SYT17: variants seen among roughly 807,000 people sequenced by gnomAD.
SYT17 encodes the protein synaptotagmin 17, also known as synaptotagmin-17.
Under a neutral mutation model 46.7 loss-of-function variants are expected in SYT17, and 22 were observed. The observed-to-expected ratio is 0.47, with a 90% CI of 0.34 to 0.67. SYT17 has a LOEUF of 0.67. Ranked by LOEUF, SYT17 falls within the 30% of genes least tolerant of loss-of-function variation. SYT17 has a pLI of 0.01. For synonymous variants in SYT17, 251 were observed against 248.4 expected, an observed-to-expected ratio of 1.01 and a Z score of -0.10; for missense variants, 519 against 612.8, an observed-to-expected ratio of 0.85 and a Z score of 1.62.
At chr16:19,211,583 G>A in intron 5 of SYT17, 1 of 650,312 alleles carries the variant, frequency 1.5e-6, no homozygotes, top group Non-Finnish European at 2.8e-6. Context: ...GAGATTCCCA[G>A]GGAATAGCAA....
At chr16:19,218,046 G>A (rs1966162770) in intron 5 of SYT17, among the ~76,000 whole-genome samples, 1 of 152,316 alleles carries the variant, frequency 6.6e-6, no homozygotes, top group Non-Finnish European at 1.5e-5. Context: ...TCTGGAGCAA[G>A]TCATGCAGCT....
In SYT17 at chr16:19,168,490, G is replaced by T; in HGVS notation, c.-157G>T. 4.0e-6 allele frequency: 4 copies of T among 987,814 alleles called. No homozygotes were observed. The highest frequency in any genetic ancestry group is 5.9e-6 in the Non-Finnish European group (4 of 676,246). 61.2% of individuals were successfully genotyped at this position (987,814 alleles called of 1,614,324 possible). On this transcript the variant is annotated 5_prime_UTR_variant, in exon 1 of 8. Coordinates refer to ENST00000355377, the MANE Select transcript of SYT17 (RefSeq NM_016524.4). This position sits in a 1 kb window ranked among gnomAD's most constrained non-coding sequence, Gnocchi z 6.9. ...CAAGGACGGGGCGGCCGGCGGAGGG[G>T]CGGGCGCCGCTCATCAGCCACGCCA...
intron 7 of SYT17, among the ~76,000 whole-genome samples, chr16:19,231,797 C>T (rs1330266997): frequency 6.6e-5 from 10 of 152,134 alleles, no homozygotes; most frequent in South Asian, 2.1e-4. Context: ...GTTATGTATT[C>T]GACAGAGAAC....
At chr16:19,169,160 C>A (rs1043583752) in intron 1 of SYT17, among the ~76,000 whole-genome samples, 2 of 152,144 alleles carry the variant, frequency 1.3e-5, no homozygotes, top group African/African-American at 2.4e-5. Context: ...GTGGGGGACA[C>A]CCAGAGGCCA....
intron 3 of SYT17, among the ~76,000 whole-genome samples, chr16:19,176,576 C>T (rs1964321559): frequency 6.6e-6 from 1 of 152,196 alleles, no homozygotes; most frequent in Non-Finnish European, 1.5e-5. Flanking sequence ...ATTAACACTT[C>T]ATTTACAAAA....
intron 5 of SYT17, among the ~76,000 whole-genome samples, chr16:19,205,277 G>A (rs1267071051): frequency 1.3e-5 from 2 of 151,850 alleles, no homozygotes; most frequent in Non-Finnish European, 1.5e-5. Flanking sequence ...ACTCTGCTTC[G>A]GCCACATCAA....
intron 7 of SYT17, among the ~76,000 whole-genome samples, chr16:19,241,148 C>T (rs986610823): frequency 6.6e-6 from 1 of 151,544 alleles, no homozygotes; most frequent in African/African-American, 2.4e-5. Flanking sequence ...GGGGTTTCAC[C>T]GTTTTAGCCG....
intron 3 of SYT17, among the ~76,000 whole-genome samples, chr16:19,175,491 C>A (rs1057497118): frequency 6.6e-6 from 1 of 151,896 alleles, no homozygotes; most frequent in Non-Finnish European, 1.5e-5. Flanking sequence ...CCTATCTCTA[C>A]AAAAATTTAA....
Position 19,187,699 on chromosome 16 carries a change from C to T in SYT17, c.951+3552C>T, listed in dbSNP as rs77643395. Among the ~76,000 whole-genome samples the T allele has an allele frequency of 3.2e-4, 49 of 152,202 alleles. No individual in the cohort carries two copies. The East Asian group carries it at 6.0e-3, about 19-fold the overall frequency. ...AATTATGCTCTTTGAGTGGAAAAGCCGGTTGTCTTACATGCTGCCAACAAT... is the reference window on the plus strand; with the variant it reads ...AATTATGCTCTTTGAGTGGAAAAGCTGGTTGTCTTACATGCTGCCAACAAT... On this transcript the variant is annotated intron_variant, in intron 5 of 7. Coordinates refer to ENST00000355377, the MANE Select transcript of SYT17 (RefSeq NM_016524.4).
At chr16:19,226,859 C>A (rs1049566627) in intron 7 of SYT17, among the ~76,000 whole-genome samples, 33 of 152,196 alleles carry the variant, frequency 2.2e-4, no homozygotes, top group African/African-American at 8.0e-4. Context: ...CCATGGAAAG[C>A]CCTGACACTT....
chr16:19,168,790 C>T lies in SYT17; in HGVS notation c.15+129C>T, dbSNP rs1963966606. On this transcript the variant is annotated intron_variant, in intron 1 of 7. Coordinates refer to ENST00000355377, the MANE Select transcript of SYT17 (RefSeq NM_016524.4). The surrounding 1 kb of genome is among the most constrained non-coding windows in gnomAD (Gnocchi z 6.9). Reference sequence around the variant, plus strand: ...AAACTTGCTTCGAGAAAAAGGGTGCCCGTGCGCGGGCAACCTGTGCAGCAA... The same window carrying T: ...AAACTTGCTTCGAGAAAAAGGGTGCTCGTGCGCGGGCAACCTGTGCAGCAA... 1.4e-5 allele frequency: 17 copies of T among 1,243,058 alleles called. No individual in the cohort carries two copies. Among genetic ancestry groups the T allele is most frequent in the Admixed American group, 6.8e-5 (2 of 29,578 alleles). The allele number at this position is 1,243,058 out of a possible 1,614,324, so 77.0% of individuals were successfully genotyped here. A position where few individuals can be genotyped will look rare whatever the true frequency, so the allele number is the denominator to read the frequency against.
rs1003188219 is a variant in SYT17 at position 19,208,246 on chromosome 16, C to T, written c.952-14799C>T. On this transcript the variant is annotated intron_variant, in intron 5 of 7. Coordinates refer to ENST00000355377, the MANE Select transcript of SYT17 (RefSeq NM_016524.4). Reference sequence around the variant, plus strand: ...TTCTAGGGCTGTTGTAAGAAAATGCCGCAAACTGGTGGCTTGAAGAACATA... The same window carrying T: ...TTCTAGGGCTGTTGTAAGAAAATGCTGCAAACTGGTGGCTTGAAGAACATA... 1.1e-4 allele frequency among the ~76,000 whole-genome samples: 16 copies of T among 152,224 alleles called. 1 individual carries two copies. Among genetic ancestry groups the T allele is most frequent in the East Asian group, 5.8e-4 (3 of 5,190 alleles).
chr16:19,211,774 C>T (rs916898816), intron 5 of SYT17, among the ~76,000 whole-genome samples: 6 of 151,944 alleles, frequency 3.9e-5, no homozygotes, highest in African/African-American at 9.7e-5. Flanking sequence ...TACAGGCGCC[C>T]GCCACCAAGC....
chr16:19,228,732 A>C (rs1278041796), intron 7 of SYT17, among the ~76,000 whole-genome samples: 1 of 152,234 alleles, frequency 6.6e-6, no homozygotes, highest in Non-Finnish European at 1.5e-5. Context: ...TATGTATCTC[A>C]GCAAAGCTAC....
intron 7 of SYT17, among the ~76,000 whole-genome samples, chr16:19,255,893 G>C (rs1324230368): frequency 6.6e-6 from 1 of 152,202 alleles, no homozygotes; most frequent in Admixed American, 6.5e-5. Context: ...GGAGTGAGGA[G>C]TCCAGGCATC....
At chr16:19,257,379 T>A (rs1214311318) in intron 7 of SYT17, among the ~76,000 whole-genome samples, 1 of 145,248 alleles carries the variant, frequency 6.9e-6, no homozygotes, top group Non-Finnish European at 1.5e-5. Flanking sequence ...GGAAGGGATA[T>A]GATGTACCTT....
At chr16:19,179,551 G>C (rs1036184558) in intron 3 of SYT17, among the ~76,000 whole-genome samples, 2 of 152,174 alleles carry the variant, frequency 1.3e-5, no homozygotes, top group Non-Finnish European at 2.9e-5. Flanking sequence ...ATATGTGTGA[G>C]CCACCATGCT....
intron 7 of SYT17, among the ~76,000 whole-genome samples, chr16:19,262,939 C>G (rs977711679): frequency 6.6e-6 from 1 of 152,190 alleles, no homozygotes; most frequent in Admixed American, 6.5e-5. Flanking sequence ...CCCAGCTACA[C>G]TCCCTCAGGG....
At position 19,178,375 on chromosome 16, in the gene SYT17, G is replaced by A. The variant is rs149064554; in HGVS notation, c.183-2016G>A. On this transcript the variant is annotated intron_variant, in intron 3 of 7. Coordinates refer to ENST00000355377, the MANE Select transcript of SYT17 (RefSeq NM_016524.4). ...GCTGGGATTACAGACGTGAGCCACC[G>A]TGCCCGCCCAGTTTCAAGTGATTCT... 1.1e-4 allele frequency among the ~76,000 whole-genome samples: 17 copies of A among 150,952 alleles called. 1 individual carries two copies. The East Asian group carries it at 2.9e-3, about 26-fold the overall frequency.
Sources: gnomAD v4.1 joint callset for allele counts (sites outside exome capture counted in the v4.1 genomes callset) on GRCh38, gnomAD v4.1.1 for gene constraint, Gnocchi (gnomAD v3.1) non-coding constraint, MANE v1.5 for transcripts, NCBI Gene and HGNC (gene_info 2026-07-23, HGNC 2026-07-21) for gene names.